The following DLG2 variants were observed in gnomAD, a reference collection of about 807,000 sequenced individuals.
The protein encoded by DLG2 is disks large homolog 2.
A neutral mutation model predicts 132.5 loss-of-function variants in DLG2; 45 were observed. That is an observed-to-expected ratio of 0.34 (90% CI 0.27 to 0.44). The LOEUF (loss-of-function observed/expected upper bound fraction) is 0.44, where lower values mean the gene tolerates loss of function less well. Ranked by LOEUF, DLG2 falls within the 20% of genes least tolerant of loss-of-function variation. The pLI, the probability that DLG2 is intolerant of heterozygous loss-of-function variation, is 1.00. For missense variants in DLG2, 1,045 were observed against 1,196.9 expected, an observed-to-expected ratio of 0.87 and a Z score of 1.87; for synonymous variants, 424 against 419.6, an observed-to-expected ratio of 1.01 and a Z score of -0.13.
At chr11:85,021,092 C>T in intron 6 of DLG2, 1 of 777,000 alleles carries the variant, frequency 1.3e-6, no homozygotes, top group East Asian at 2.4e-5. Context: ...TCTTGGTCAA[C>T]TCCTTCTTAA....
intron 6 of DLG2, among the ~76,000 whole-genome samples, chr11:85,031,076 G>C (rs1001072393): frequency 6.6e-6 from 1 of 151,646 alleles, no homozygotes; most frequent in Non-Finnish European, 1.5e-5. Context: ...TATGATTTCA[G>C]CTTTTTTTTA....
chr11:85,056,585 A>ATG (rs1473251488), intron 6 of DLG2, among the ~76,000 whole-genome samples: 1 of 152,044 alleles, frequency 6.6e-6, no homozygotes, highest in Admixed American at 6.6e-5. Flanking sequence ...CAGAAGCATT[A>ATG]TATGATGTAT....
chr11:84,107,524 G>T (rs1036521647), intron 9 of DLG2, among the ~76,000 whole-genome samples: 4 of 151,742 alleles, frequency 2.6e-5, no homozygotes, highest in African/African-American at 9.7e-5. Flanking sequence ...TGCAATGAGC[G>T]CATATGCATG....
At chr11:84,553,144 C>T (rs960889887) in intron 6 of DLG2, among the ~76,000 whole-genome samples, 7 of 152,136 alleles carry the variant, frequency 4.6e-5, no homozygotes, top group African/African-American at 1.7e-4. Flanking sequence ...TTCATGTCAC[C>T]TTTTCCACAG....
chr11:83,886,746 G>C (rs2068019199), intron 15 of DLG2, among the ~76,000 whole-genome samples: 2 of 152,106 alleles, frequency 1.3e-5, no homozygotes, highest in South Asian at 4.1e-4. Flanking sequence ...ATAACAAACT[G>C]TCTCTCAGAC....
At chr11:83,567,316 C>T (rs919428586) in intron 19 of DLG2, among the ~76,000 whole-genome samples, 1 of 152,038 alleles carries the variant, frequency 6.6e-6, no homozygotes, top group Non-Finnish European at 1.5e-5. Context: ...TATAAAAGCC[C>T]CTTTTTAGTC....
At chr11:84,031,876 T>C (rs529254141) in intron 11 of DLG2, among the ~76,000 whole-genome samples, 5 of 152,118 alleles carry the variant, frequency 3.3e-5, no homozygotes, top group Non-Finnish European at 7.4e-5. Context: ...GTGTGTCACA[T>C]TTTTTTTGGT....
At chr11:84,664,757 C>T (rs2154548407) in intron 6 of DLG2, among the ~76,000 whole-genome samples, 1 of 152,238 alleles carries the variant, frequency 6.6e-6, no homozygotes, top group Middle Eastern at 3.4e-3. Flanking sequence ...TTCTATCATA[C>T]TTCTCTCCTT....
At chr11:84,298,454 C>T (rs375597185) in intron 7 of DLG2, among the ~76,000 whole-genome samples, 25 of 152,140 alleles carry the variant, frequency 1.6e-4, no homozygotes, top group African/African-American at 5.8e-4. Flanking sequence ...CTTGCGACCC[C>T]GCCTTGCCAA....
At chr11:84,339,353 C>A (rs993433500) in intron 7 of DLG2, among the ~76,000 whole-genome samples, 1 of 152,062 alleles carries the variant, frequency 6.6e-6, no homozygotes, top group Non-Finnish European at 1.5e-5. Flanking sequence ...TGAAGTAGAC[C>A]GTGTTCATCA....
intron 3 of DLG2, among the ~76,000 whole-genome samples, chr11:85,383,677 G>T (rs1020979927): frequency 6.6e-6 from 1 of 152,070 alleles, no homozygotes; most frequent in Non-Finnish European, 1.5e-5. Context: ...ATAAAATACA[G>T]CCTTTAAAAT....
At chr11:83,905,087 G>GTAA (rs201898073) in intron 15 of DLG2, among the ~76,000 whole-genome samples, 1 of 152,070 alleles carries the variant, frequency 6.6e-6, no homozygotes, top group Non-Finnish European at 1.5e-5. Context: ...AAAATTGCTA[G>GTAA]TAATAATAAT....
chr11:84,068,349 T>C (rs1389166031), intron 10 of DLG2, among the ~76,000 whole-genome samples: 4 of 152,228 alleles, frequency 2.6e-5, no homozygotes, highest in African/African-American at 9.6e-5. Flanking sequence ...TGCCAACAAA[T>C]ATTTCTGATT....
chr11:83,834,003 A>T (rs2055358518), intron 16 of DLG2, among the ~76,000 whole-genome samples: 1 of 152,246 alleles, frequency 6.6e-6, no homozygotes, highest in African/African-American at 2.4e-5. Flanking sequence ...CATTCTAAAA[A>T]AATTTCTTAA....
intron 14 of DLG2, among the ~76,000 whole-genome samples, chr11:83,945,507 G>A (rs1271250458): frequency 2.6e-5 from 4 of 152,146 alleles, no homozygotes; most frequent in African/African-American, 9.7e-5. Context: ...TTGATGCTCA[G>A]GGTGAGCTCT....
chr11:84,079,961 A>G (rs1032867508), intron 10 of DLG2, among the ~76,000 whole-genome samples: 1 of 152,136 alleles, frequency 6.6e-6, no homozygotes. Context: ...ACTCTCTACA[A>G]GGCTTCCCCT....
intron 19 of DLG2, among the ~76,000 whole-genome samples, chr11:83,544,616 A>T (rs1286584761): frequency 6.6e-6 from 1 of 152,082 alleles, no homozygotes; most frequent in East Asian, 1.9e-4. Context: ...GGTGATGATA[A>T]GGTGTTGAAG....
At chr11:85,437,236 C>A (rs2091533584) in intron 3 of DLG2, among the ~76,000 whole-genome samples, 1 of 151,316 alleles carries the variant, frequency 6.6e-6, no homozygotes, top group Non-Finnish European at 1.5e-5. Context: ...TTGATAGGTG[C>A]AGCAAACCAC....
intron 21 of DLG2, among the ~76,000 whole-genome samples, chr11:83,526,530 C>A (rs893982380): frequency 6.6e-6 from 1 of 152,078 alleles, no homozygotes; most frequent in African/African-American, 2.4e-5. Flanking sequence ...CTAGAAGGAC[C>A]TCATAATGCA....
Sources: allele counts gnomAD v4.1 joint callset (sites outside exome capture counted in the v4.1 genomes callset), GRCh38; gene constraint gnomAD v4.1.1; transcripts MANE v1.5; gene names NCBI Gene and HGNC (gene_info 2026-07-23, HGNC 2026-07-21).